The following PKNOX1 variants were observed in gnomAD, a reference collection of about 807,000 sequenced individuals.
PKNOX1 encodes homeobox protein PKNOX1.
PKNOX1 carries 15 observed loss-of-function variants against 51.9 expected under a neutral mutation model. That is an observed-to-expected ratio of 0.29 (90% CI 0.19 to 0.45). PKNOX1 has a LOEUF of 0.45. Ranked by LOEUF, PKNOX1 falls within the 20% of genes least tolerant of loss-of-function variation. PKNOX1 has a pLI of 1.00. For synonymous variants in PKNOX1, 219 were observed against 211.1 expected (o/e 1.04, Z -0.32); for missense variants, 462 against 547.5 (o/e 0.84, Z 1.56).
intron 4 of PKNOX1, among the ~76,000 whole-genome samples, chr21:43,010,544 CT>C (rs1244785946): frequency 2.0e-5 from 3 of 152,122 alleles, no homozygotes; most frequent in African/African-American, 7.2e-5. Flanking sequence ...CCAACCTACC[CT>C]TTCCTTTAAA....
At chr21:43,026,879 G>T (rs1980005781) in intron 9 of PKNOX1, among the ~76,000 whole-genome samples, 2 of 152,166 alleles carry the variant, frequency 1.3e-5, no homozygotes, top group Admixed American at 1.3e-4. Flanking sequence ...TCTAAATGAA[G>T]CATGGCGGGA....
At chr21:42,975,031 G>T (rs1324745986) in intron 1 of PKNOX1, among the ~76,000 whole-genome samples, 1 of 105,982 alleles carries the variant, frequency 9.4e-6, no homozygotes, top group Admixed American at 9.2e-5. Flanking sequence ...TTCGGAGTGC[G>T]GCGCGCGCCC....
At chr21:42,979,245 T>A (rs78070633) in intron 1 of PKNOX1, among the ~76,000 whole-genome samples, 5,132 of 152,196 alleles carry the variant, frequency 0.034, 140 homozygotes, top group Middle Eastern at 0.14. Flanking sequence ...TGATCACAGA[T>A]CCCCGTAACA....
At chr21:43,006,334 C>T (rs1262172341) in intron 2 of PKNOX1, among the ~76,000 whole-genome samples, 1 of 152,100 alleles carries the variant, frequency 6.6e-6, no homozygotes, top group Non-Finnish European at 1.5e-5. Flanking sequence ...CCATGTTGGC[C>T]AGGCTGATCT....
intron 1 of PKNOX1, among the ~76,000 whole-genome samples, chr21:42,989,282 C>T (rs570748944): frequency 1.1e-4 from 17 of 151,548 alleles, no homozygotes; most frequent in African/African-American, 4.1e-4. Context: ...CCCGGCCTAT[C>T]CCCAACCTGT....
At chr21:43,029,637 T>C (rs1276964687) in intron 10 of PKNOX1, among the ~76,000 whole-genome samples, 1 of 151,866 alleles carries the variant, frequency 6.6e-6, no homozygotes, top group Non-Finnish European at 1.5e-5. Flanking sequence ...TTCACCGTGT[T>C]CACCAGGATG....
At chr21:42,977,171 G>A (rs2401149) in intron 1 of PKNOX1, among the ~76,000 whole-genome samples, 1 of 152,172 alleles carries the variant, frequency 6.6e-6, no homozygotes, top group Non-Finnish European at 1.5e-5. Context: ...GCACAGGCAA[G>A]AGTAGACGTA....
chr21:43,009,745 C>A (rs1303709960), intron 3 of PKNOX1, among the ~76,000 whole-genome samples: 1 of 151,996 alleles, frequency 6.6e-6, no homozygotes, highest in Non-Finnish European at 1.5e-5. Context: ...GACAGAATGT[C>A]TAGGAGAGGC....
chr21:42,981,213 A>G (rs1428752153), intron 1 of PKNOX1, among the ~76,000 whole-genome samples: 2 of 152,190 alleles, frequency 1.3e-5, no homozygotes, highest in African/African-American at 4.8e-5. Context: ...CAGTCTGGAA[A>G]CTGTTAGGAG....
At chr21:42,977,537 CTTTTTTTTTTT>C (rs3044504) in intron 1 of PKNOX1, among the ~76,000 whole-genome samples, 5 of 47,116 alleles carry the variant, frequency 1.1e-4, no homozygotes, top group Admixed American at 6.2e-4. Context: ...CTGCTTCCAA[CTTTTTTTTTTT>C]TTTTTTTTTT....
Position 43,028,468 on chromosome 21 carries a change from G to T in PKNOX1, c.927-234G>T, listed in dbSNP as rs568691839. ...TTGAGACAAAAAAAAAAATGCCATG[G>T]ACGAGTTGGTGCTTATTTGCATGAT... On this transcript the variant is annotated intron_variant, in intron 9 of 10. Coordinates refer to ENST00000291547, the MANE Select transcript of PKNOX1 (RefSeq NM_004571.5). 17 of 512,976 alleles carry T rather than the reference G, an allele frequency of 3.3e-5. No individual in the cohort carries two copies. The South Asian group carries it at 4.2e-4, about 13-fold the overall frequency. The allele number at this position is 512,976 out of a possible 1,614,324, so 31.8% of individuals were successfully genotyped here.
rs138486584 is a variant in PKNOX1, at chr21:43,029,424, G to GTTTTTTTTTTTTTTT, written c.1100-459_1100-445dup. Among the ~76,000 whole-genome samples, 140 of 63,280 alleles carry GTTTTTTTTTTTTTTT rather than the reference G, an allele frequency of 2.2e-3. 16 individuals are homozygous for GTTTTTTTTTTTTTTT. Among genetic ancestry groups the GTTTTTTTTTTTTTTT allele is most frequent in the East Asian group, 3.6e-3 (8 of 2,192 alleles). The allele number at this position is 63,280 out of a possible 152,430, so 41.5% of individuals were successfully genotyped here. On this transcript the variant is annotated intron_variant, in intron 10 of 10. Transcript: ENST00000291547. The stretch of plus-strand genomic sequence containing the variant: ...TTATTTTTTTTTATTTGTTTGCTTT[G>GTTTTTTTTTTTTTTT]TTTTTTTTTTTTTTTTTTTTTGAGA...
chr21:43,009,092 A>T (rs968273648), intron 3 of PKNOX1, among the ~76,000 whole-genome samples: 43 of 152,202 alleles, frequency 2.8e-4, no homozygotes, highest in Admixed American at 1.5e-3. Context: ...AGTCGGGCAG[A>T]TCACTTTAGG....
chr21:43,018,947 C>T (rs1181784739), intron 7 of PKNOX1, among the ~76,000 whole-genome samples: 1 of 151,928 alleles, frequency 6.6e-6, no homozygotes, highest in Non-Finnish European at 1.5e-5. Context: ...TAGCTGGGTG[C>T]AGTGGTGCAC....
At chr21:43,015,205 G>T (rs1386302447) in intron 5 of PKNOX1, among the ~76,000 whole-genome samples, 1 of 152,246 alleles carries the variant, frequency 6.6e-6, no homozygotes, top group Admixed American at 6.5e-5. Flanking sequence ...GCTCACTGTC[G>T]ATGATGTTGG....
intron 1 of PKNOX1, among the ~76,000 whole-genome samples, chr21:42,981,937 T>C (rs71320589): frequency 0.038 from 5,791 of 152,318 alleles, 140 homozygotes; most frequent in Middle Eastern, 0.062. Flanking sequence ...CCATGGTTTG[T>C]GCTCTGGCAG....
chr21:42,976,498 C>T (rs1460311093), intron 1 of PKNOX1, among the ~76,000 whole-genome samples: 1 of 152,170 alleles, frequency 6.6e-6, no homozygotes, highest in African/African-American at 2.4e-5. Context: ...GTTTTGATAG[C>T]ATTTTAACCA....
intron 5 of PKNOX1, among the ~76,000 whole-genome samples, chr21:43,014,921 A>G (rs954624804): frequency 6.6e-6 from 1 of 152,236 alleles, no homozygotes; most frequent in Non-Finnish European, 1.5e-5. Context: ...TTAGATTTTG[A>G]TAGGAATTGT....
In PKNOX1 at chr21:43,032,491, G is replaced by C. The variant is rs1980320039; in HGVS notation, c.*2390G>C. ...GCCCCTGCCCGGCGCAGTAGGGCGTGCCTCTAGTTCCAGCTACTCGGGAGT... is the reference window on the plus strand; with the variant it reads ...GCCCCTGCCCGGCGCAGTAGGGCGTCCCTCTAGTTCCAGCTACTCGGGAGT... On this transcript the variant is annotated 3_prime_UTR_variant, in exon 11 of 11. Transcript: ENST00000291547. 3 of 251,376 alleles carry C rather than the reference G, an allele frequency of 1.2e-5. No individual in the cohort carries two copies. The highest frequency in any genetic ancestry group is 6.7e-5 in the African/African-American group (3 of 45,054). 15.6% of individuals were successfully genotyped at this position (251,376 alleles called of 1,614,324 possible).
Sources: gnomAD v4.1 joint callset for allele counts (sites outside exome capture counted in the v4.1 genomes callset) on GRCh38, gnomAD v4.1.1 for gene constraint, MANE v1.5 for transcripts, NCBI Gene and HGNC (gene_info 2026-07-23, HGNC 2026-07-21) for gene names.